GTF2F2: variants seen among roughly 807,000 people sequenced by gnomAD.
GTF2F2 encodes general transcription factor IIF subunit 2.
In GTF2F2, 23 loss-of-function variants were observed where a neutral mutation model predicts 42.2. The ratio of observed to expected loss-of-function variants is 0.55; its 90% CI spans 0.39 to 0.77. The LOEUF (loss-of-function observed/expected upper bound fraction) is 0.77. Among genes scored for constraint, GTF2F2 ranks in the 30% least tolerant of loss-of-function variants. GTF2F2 has a pLI of 0.00. For synonymous variants in GTF2F2, 105 were observed against 100.8 expected, an observed-to-expected ratio of 1.04 and a Z score of -0.25; for missense variants, 261 against 287.2, an observed-to-expected ratio of 0.91 and a Z score of 0.66.
At chr13:45,138,173 T>A (rs1869733068) in intron 2 of GTF2F2, among the ~76,000 whole-genome samples, 1 of 152,184 alleles carries the variant, frequency 6.6e-6, no homozygotes, top group African/African-American at 2.4e-5. Context: ...CCTTCTCATC[T>A]TCTGTCTCTA....
chr13:45,230,509 A>G (rs1318517594), intron 5 of GTF2F2, among the ~76,000 whole-genome samples: 3 of 152,246 alleles, frequency 2.0e-5, no homozygotes, highest in Non-Finnish European at 2.9e-5. Context: ...GTTTACACAT[A>G]TAAAAGCAAG....
At chr13:45,175,321 A>G (rs1012470723) in intron 4 of GTF2F2, among the ~76,000 whole-genome samples, 2 of 151,954 alleles carry the variant, frequency 1.3e-5, no homozygotes, top group African/African-American at 4.8e-5. Flanking sequence ...TATATACCAC[A>G]TTTTCTTTAT....
intron 1 of GTF2F2, among the ~76,000 whole-genome samples, chr13:45,132,204 C>T (rs1223962758): frequency 6.6e-6 from 1 of 152,212 alleles, no homozygotes; most frequent in African/African-American, 2.4e-5. Context: ...TATTATTTCA[C>T]AGTTTCTGTG....
At chr13:45,181,070 G>A (rs949068295) in intron 4 of GTF2F2, among the ~76,000 whole-genome samples, 1 of 151,788 alleles carries the variant, frequency 6.6e-6, no homozygotes, top group Non-Finnish European at 1.5e-5. Context: ...AGGAGGCTGA[G>A]GCAGGAAAAT....
At chr13:45,210,722 C>T (rs1873597621) in intron 5 of GTF2F2, among the ~76,000 whole-genome samples, 1 of 152,056 alleles carries the variant, frequency 6.6e-6, no homozygotes, top group Non-Finnish European at 1.5e-5. Flanking sequence ...GAATGAATGG[C>T]ACAAGATGAG....
intron 2 of GTF2F2, among the ~76,000 whole-genome samples, chr13:45,139,984 C>G (rs1391219813): frequency 6.6e-6 from 1 of 152,172 alleles, no homozygotes; most frequent in Non-Finnish European, 1.5e-5. Flanking sequence ...TAAAGCATCT[C>G]TAGATTACTT....
chr13:45,138,646 G>GTAT (rs567520689), intron 2 of GTF2F2, among the ~76,000 whole-genome samples: 2 of 152,104 alleles, frequency 1.3e-5, no homozygotes, highest in East Asian at 3.9e-4. Context: ...GTGAAGATCA[G>GTAT]TATTATTATT....
At chr13:45,211,248 A>G (rs1873625573) in intron 5 of GTF2F2, among the ~76,000 whole-genome samples, 1 of 152,170 alleles carries the variant, frequency 6.6e-6, no homozygotes, top group African/African-American at 2.4e-5. Context: ...GAAGCAGAAA[A>G]TACATAAAAT....
intron 5 of GTF2F2, among the ~76,000 whole-genome samples, chr13:45,234,734 G>T (rs1393585135): frequency 2.0e-5 from 3 of 152,076 alleles, no homozygotes; most frequent in Non-Finnish European, 4.4e-5. Context: ...TAGTAAATAT[G>T]CACTTTGGGC....
chr13:45,254,692 C>T (rs1454467471), intron 6 of GTF2F2, among the ~76,000 whole-genome samples: 1 of 152,186 alleles, frequency 6.6e-6, no homozygotes, highest in African/African-American at 2.4e-5. Context: ...TGGTGATTAG[C>T]AGTTGCTAAA....
intron 5 of GTF2F2, 139 bp downstream of exon 5, chr13:45,207,644 G>A: frequency 1.8e-6 from 1 of 565,828 alleles, no homozygotes; most frequent in East Asian, 2.8e-5. Context: ...GGTTTTAAAA[G>A]CAAGTAAGAG....
intron 4 of GTF2F2, among the ~76,000 whole-genome samples, chr13:45,156,042 C>A (rs1870741680): frequency 6.6e-6 from 1 of 152,078 alleles, no homozygotes; most frequent in African/African-American, 2.4e-5. Flanking sequence ...CCAAGTGATC[C>A]TCCCACCTCA....
intron 2 of GTF2F2, among the ~76,000 whole-genome samples, chr13:45,148,386 C>A (rs1354847271): frequency 1.3e-5 from 2 of 152,166 alleles, no homozygotes; most frequent in African/African-American, 4.8e-5. Context: ...TAGAGTTTAT[C>A]TCCTCCCCTT....
At chr13:45,249,700 A>G (rs533792518) in intron 5 of GTF2F2, among the ~76,000 whole-genome samples, 1 of 152,334 alleles carries the variant, frequency 6.6e-6, no homozygotes, top group East Asian at 1.9e-4. Flanking sequence ...CCTTCCTTGG[A>G]TGTCTCATAA....
chr13:45,169,122 T>G (rs1268401555), intron 4 of GTF2F2, among the ~76,000 whole-genome samples: 2 of 152,100 alleles, frequency 1.3e-5, no homozygotes, highest in Middle Eastern at 3.4e-3. Context: ...CCCAAAGTTC[T>G]GGGATTACAG....
At chr13:45,231,937 C>T (rs1277765714) in intron 5 of GTF2F2, among the ~76,000 whole-genome samples, 2 of 152,122 alleles carry the variant, frequency 1.3e-5, no homozygotes, top group Non-Finnish European at 2.9e-5. Flanking sequence ...GCCTGGGTAG[C>T]TTCCTGCAGT....
chr13:45,220,646 GGTAA>G (rs1480670353), intron 5 of GTF2F2, among the ~76,000 whole-genome samples: 2 of 152,064 alleles, frequency 1.3e-5, no homozygotes, highest in Non-Finnish European at 2.9e-5. Context: ...AGGTCACCCT[GGTAA>G]AGCCGAGATG....
rs117388805 is a variant in GTF2F2, at chr13:45,249,279, T to C, written c.387-3592T>C. On this transcript the variant is annotated intron_variant, in intron 5 of 7. Coordinates refer to ENST00000340473, the MANE Select transcript of GTF2F2 (RefSeq NM_004128.3). ...ATTTTCAGTTCATACATTAACCTTT[T>C]TAGTTTTGAATCATAAGTTGTCCTC... Among the ~76,000 whole-genome samples the C allele has an allele frequency of 7.2e-5, 11 of 152,356 alleles. No homozygotes were observed. The East Asian group carries it at 1.9e-3, about 27-fold the overall frequency.
At chr13:45,241,192 T>TAC (rs1875284915) in intron 5 of GTF2F2, among the ~76,000 whole-genome samples, 1 of 149,356 alleles carries the variant, frequency 6.7e-6, no homozygotes, top group African/African-American at 2.4e-5. Flanking sequence ...AAAATATATA[T>TAC]ATATATATAT....
Sources: allele counts gnomAD v4.1 joint callset (sites outside exome capture counted in the v4.1 genomes callset), GRCh38; gene constraint gnomAD v4.1.1; transcripts MANE v1.5; gene names NCBI Gene and HGNC (gene_info 2026-07-23, HGNC 2026-07-21).